The following BLVRB variants were observed in gnomAD, a reference collection of about 807,000 sequenced individuals.
The protein encoded by BLVRB is flavin reductase (NADPH).
In BLVRB, 25 loss-of-function variants were observed where a neutral mutation model predicts 21.1. The observed-to-expected ratio is 1.19, with a 90% CI of 0.86 to 1.66. The LOEUF (loss-of-function observed/expected upper bound fraction) is 1.66, where lower values mean the gene tolerates loss of function less well. Among genes scored for constraint, BLVRB ranks in the 40% most tolerant of loss-of-function variants. The probability of loss-of-function intolerance (pLI) is 0.00; values close to 1 mark genes in which losing one functional copy is unlikely to be tolerated. For missense variants in BLVRB, 274 were observed against 282.7 expected, an observed-to-expected ratio of 0.97 and a Z score of 0.22; for synonymous variants, 128 against 122.2, an observed-to-expected ratio of 1.05 and a Z score of -0.31.
At chr19:40,452,636 G>A (rs1441576870) in intron 3 of BLVRB, among the ~76,000 whole-genome samples, 4 of 152,094 alleles carry the variant, frequency 2.6e-5, no homozygotes, top group Admixed American at 6.6e-5. Context: ...AGACTGAGGA[G>A]GCCAGATCGC....
intron 4 of BLVRB, among the ~76,000 whole-genome samples, chr19:40,450,834 T>C (rs1484761219): frequency 2.7e-5 from 4 of 148,364 alleles, no homozygotes; most frequent in Non-Finnish European, 6.0e-5. Context: ...CCACCATGCC[T>C]GGCCTATGTA....
At chr19:40,461,950 A>T (rs1433790419) in intron 1 of BLVRB, among the ~76,000 whole-genome samples, 1 of 152,162 alleles carries the variant, frequency 6.6e-6, no homozygotes, top group Non-Finnish European at 1.5e-5. Flanking sequence ...AGCCCTCTTT[A>T]TGCTGACCTG....
intron 1 of BLVRB, among the ~76,000 whole-genome samples, chr19:40,464,719 A>G (rs1230701901): frequency 1.3e-5 from 2 of 152,196 alleles, no homozygotes; most frequent in Admixed American, 1.3e-4. Flanking sequence ...GGGGAGAGTT[A>G]TGGACCTAGA....
intron 3 of BLVRB, 43 bp downstream of exon 3, chr19:40,458,112 G>C: frequency 6.3e-7 from 1 of 1,588,494 alleles, no homozygotes; most frequent in Non-Finnish European, 8.6e-7. Flanking sequence ...TGCCTCCCCA[G>C]TACCCCCCAG....
At chr19:40,451,808 C>T (rs1262365422) in intron 3 of BLVRB, among the ~76,000 whole-genome samples, 1 of 152,184 alleles carries the variant, frequency 6.6e-6, no homozygotes, top group African/African-American at 2.4e-5. Context: ...GCTGGAATTA[C>T]AGGCATGAGC....
chr19:40,454,218 T>G (rs1033122189), intron 3 of BLVRB, among the ~76,000 whole-genome samples: 4 of 151,262 alleles, frequency 2.6e-5, no homozygotes, highest in Admixed American at 2.0e-4. Context: ...AACCTCCACC[T>G]ACAAGTTTCA....
chr19:40,462,236 C>A (rs938606131), intron 1 of BLVRB, among the ~76,000 whole-genome samples: 1 of 151,712 alleles, frequency 6.6e-6, no homozygotes, highest in Non-Finnish European at 1.5e-5. Context: ...TGCCCTCACA[C>A]ATGGGGGAGC....
chr19:40,456,984 C>T (rs1267881403), intron 3 of BLVRB, among the ~76,000 whole-genome samples: 2 of 151,820 alleles, frequency 1.3e-5, no homozygotes, highest in African/African-American at 2.4e-5. Context: ...TTCCAATCTG[C>T]GAACAAAAGT....
chr19:40,454,253 T>C (rs1020250694), intron 3 of BLVRB, among the ~76,000 whole-genome samples: 1 of 151,812 alleles, frequency 6.6e-6, no homozygotes, highest in African/African-American at 2.4e-5. Context: ...CTAAGCCTCC[T>C]GAGTAGCTGG....
At chr19:40,456,401 T>G (rs1599688395) in intron 3 of BLVRB, among the ~76,000 whole-genome samples, 1 of 144,506 alleles carries the variant, frequency 6.9e-6, no homozygotes, top group African/African-American at 2.6e-5. Context: ...CCAGCCTGGG[T>G]GACAGAGCGA....
intron 1 of BLVRB, among the ~76,000 whole-genome samples, chr19:40,461,757 C>T (rs549497423): frequency 6.6e-6 from 1 of 152,306 alleles, no homozygotes; most frequent in Admixed American, 6.5e-5. Flanking sequence ...GCCTCAGCCC[C>T]CCAAAGTGTT....
chr19:40,453,650 G>A (rs770387233), intron 3 of BLVRB, among the ~76,000 whole-genome samples: 2 of 152,114 alleles, frequency 1.3e-5, no homozygotes, highest in African/African-American at 2.4e-5. Context: ...GTACTGGATC[G>A]ACCACTGGCC....
At chr19:40,464,086 G>A (rs2079800155) in intron 1 of BLVRB, among the ~76,000 whole-genome samples, 1 of 150,402 alleles carries the variant, frequency 6.6e-6, no homozygotes, top group Non-Finnish European at 1.5e-5. Context: ...TTCTTTTTAT[G>A]TATTTTTTTA....
chr19:40,454,009 T>C (rs2079751710), intron 3 of BLVRB, among the ~76,000 whole-genome samples: 1 of 151,894 alleles, frequency 6.6e-6, no homozygotes. Flanking sequence ...AATAAATAGT[T>C]TGAGTAATGT....
intron 3 of BLVRB, among the ~76,000 whole-genome samples, chr19:40,454,105 A>G (rs894807633): frequency 1.1e-4 from 17 of 152,184 alleles, no homozygotes; most frequent in African/African-American, 3.6e-4. Context: ...TAAAAATTAG[A>G]TGGGCATGGT....
chr19:40,456,840 C>T (rs969844980), intron 3 of BLVRB, among the ~76,000 whole-genome samples: 19 of 151,800 alleles, frequency 1.3e-4, no homozygotes, highest in Admixed American at 6.6e-4. Context: ...ACCATGAACC[C>T]GGGAGGTGGA....
Position 40,458,414 on chromosome 19 carries a change from C to G in BLVRB, c.211G>C (p.Val71Leu), listed in dbSNP as rs1334175094. Reference sequence around the variant, plus strand: ...TTGCGGGTGCCCAGCAGCACGATGACAGCGTCCTGCCCAGCCACGGTCTTG... The same window carrying G: ...TTGCGGGTGCCCAGCAGCACGATGAGAGCGTCCTGCCCAGCCACGGTCTTG... ...VDKTVAGQDA[V>L]IVLLGTRNDL... Residue 71 changes from valine to leucine, a missense_variant, in exon 2 of 5, where the codon GTC (valine) becomes CTC (leucine). Transcript: ENST00000263368. 6.3e-7 allele frequency: 1 copy of G among 1,591,402 alleles called. No individual in the cohort carries two copies. The highest frequency in any genetic ancestry group is 1.3e-5 in the African/African-American group (1 of 74,506).
intron 1 of BLVRB, among the ~76,000 whole-genome samples, chr19:40,462,705 C>A (rs890351592): frequency 3.4e-5 from 5 of 149,064 alleles, no homozygotes; most frequent in African/African-American, 1.2e-4. Context: ...TCCTGGTTAA[C>A]ATGGTGAAAC....
intron 1 of BLVRB, among the ~76,000 whole-genome samples, chr19:40,465,356 T>C (rs371642095): frequency 4.6e-4 from 70 of 152,330 alleles, no homozygotes; most frequent in African/African-American, 1.6e-3. Flanking sequence ...GCCCTGGACT[T>C]ACACACGACT....
Sources: allele counts gnomAD v4.1 joint callset (sites outside exome capture counted in the v4.1 genomes callset), GRCh38; gene constraint gnomAD v4.1.1; transcripts MANE v1.5; gene names NCBI Gene and HGNC (gene_info 2026-07-23, HGNC 2026-07-21).